EFNA5: variants seen among roughly 807,000 people sequenced by gnomAD.
The protein encoded by EFNA5 is ephrin A5.
EFNA5 carries 5 observed loss-of-function variants against 22.9 expected under a neutral mutation model. That is an observed-to-expected ratio of 0.22 (90% CI 0.11 to 0.46). The LOEUF (loss-of-function observed/expected upper bound fraction) is 0.46, where lower values mean the gene tolerates loss of function less well. Ranked by LOEUF, EFNA5 falls within the 20% of genes least tolerant of loss-of-function variation. The pLI is 0.99. For missense variants in EFNA5, 237 were observed against 293.3 expected, an observed-to-expected ratio of 0.81 and a Z score of 1.40; for synonymous variants, 113 against 112.2, an observed-to-expected ratio of 1.01 and a Z score of -0.04.
intron 1 of EFNA5, among the ~76,000 whole-genome samples, chr5:107,663,852 T>G (rs950518012): frequency 6.6e-6 from 1 of 152,104 alleles, no homozygotes; most frequent in Non-Finnish European, 1.5e-5. Flanking sequence ...CTCACTTGAG[T>G]GGAAAATAAG....
At chr5:107,509,226 T>C (rs2112432286) in intron 1 of EFNA5, among the ~76,000 whole-genome samples, 1 of 152,276 alleles carries the variant, frequency 6.6e-6, no homozygotes, top group South Asian at 2.1e-4. Context: ...TAGATACCCT[T>C]TTACAGACTC....
intron 1 of EFNA5, among the ~76,000 whole-genome samples, chr5:107,526,024 T>C (rs937776639): frequency 6.6e-6 from 1 of 152,214 alleles, no homozygotes; most frequent in African/African-American, 2.4e-5. Flanking sequence ...GATACGGGAA[T>C]GAATCAGAAT....
chr5:107,616,332 G>T (rs1223921635), intron 1 of EFNA5, among the ~76,000 whole-genome samples: 1 of 152,128 alleles, frequency 6.6e-6, no homozygotes, highest in African/African-American at 2.4e-5. Flanking sequence ...GAGGGGATGG[G>T]TCGATTTGCC....
intron 2 of EFNA5, among the ~76,000 whole-genome samples, chr5:107,425,400 C>T (rs1271432212): frequency 6.6e-6 from 1 of 152,126 alleles, no homozygotes; most frequent in African/African-American, 2.4e-5. Flanking sequence ...CAAGAATTTT[C>T]TCTTACATTG....
chr5:107,607,385 C>T (rs1749745563), intron 1 of EFNA5, among the ~76,000 whole-genome samples: 2 of 152,190 alleles, frequency 1.3e-5, no homozygotes, highest in African/African-American at 2.4e-5. Context: ...TTTCCTTCTT[C>T]AAACATTTGC....
At chr5:107,416,271 G>A (rs1390664439) in intron 2 of EFNA5, among the ~76,000 whole-genome samples, 1 of 152,170 alleles carries the variant, frequency 6.6e-6, no homozygotes. Context: ...AAGTTCCAAG[G>A]TGAAGGTAGA....
Position 107,395,034 on chromosome 5 carries a change from C to CTTTTTTTTTT in EFNA5, c.419-7273_419-7264dup, listed in dbSNP as rs58619326. Among the ~76,000 whole-genome samples the CTTTTTTTTTT allele has an allele frequency of 4.0e-3, 342 of 86,106 alleles. 74 individuals are homozygous for CTTTTTTTTTT. Among genetic ancestry groups the CTTTTTTTTTT allele is most frequent in the African/African-American group, 0.012 (271 of 23,170 alleles). The allele number at this position is 86,106 out of a possible 152,430, so 56.5% of individuals were successfully genotyped here. ...CCCCTTATAAGAAGGATTTCTAGTT[C>CTTTTTTTTTT]TTTTTTTTTTTTTTTTTTCCGCGAG... On this transcript the variant is annotated intron_variant, in intron 2 of 4. Transcript: ENST00000333274.
intron 1 of EFNA5, among the ~76,000 whole-genome samples, chr5:107,584,082 A>C (rs535135512): frequency 4.6e-5 from 7 of 152,310 alleles, no homozygotes; most frequent in African/African-American, 1.7e-4. Flanking sequence ...AACATTCCCA[A>C]AGGTTCTAAT....
chr5:107,456,610 C>T (rs1749705928), intron 1 of EFNA5, among the ~76,000 whole-genome samples: 1 of 152,150 alleles, frequency 6.6e-6, no homozygotes, highest in Non-Finnish European at 1.5e-5. Flanking sequence ...AGTGCTGTTG[C>T]AACTGTGCCA....
chr5:107,595,008 T>C (rs1561444273), intron 1 of EFNA5, among the ~76,000 whole-genome samples: 1 of 152,104 alleles, frequency 6.6e-6, no homozygotes, highest in Admixed American at 6.6e-5. Context: ...TTGTGGTATA[T>C]GGCTGGATTA....
chr5:107,491,726 A>C (rs1243283102), intron 1 of EFNA5, among the ~76,000 whole-genome samples: 2 of 152,258 alleles, frequency 1.3e-5, no homozygotes, highest in Non-Finnish European at 2.9e-5. Flanking sequence ...GGAACTGAAT[A>C]GTTGGAAAAT....
chr5:107,399,386 A>T (rs3797514), intron 2 of EFNA5, among the ~76,000 whole-genome samples: 23,842 of 143,786 alleles, frequency 0.17, 2,231 homozygotes, highest in South Asian at 0.32. Flanking sequence ...GAAGGAAGGA[A>T]GGAAAGAAGA....
chr5:107,485,570 A>G (rs576145402), intron 1 of EFNA5, among the ~76,000 whole-genome samples: 48 of 152,168 alleles, frequency 3.2e-4, no homozygotes, highest in Non-Finnish European at 6.3e-4. Context: ...TCTGTGCTGG[A>G]CCAGAAATAA....
intron 1 of EFNA5, among the ~76,000 whole-genome samples, chr5:107,490,092 C>A (rs1466717679): frequency 6.6e-6 from 1 of 152,102 alleles, no homozygotes; most frequent in Non-Finnish European, 1.5e-5. Flanking sequence ...CATGGGGGAC[C>A]AGCTAGCTAG....
At chr5:107,586,230 A>C (rs547754616) in intron 1 of EFNA5, among the ~76,000 whole-genome samples, 8 of 152,234 alleles carry the variant, frequency 5.3e-5, no homozygotes, top group Non-Finnish European at 1.0e-4. Flanking sequence ...GTAAAGATCT[A>C]CAATTACAAT....
chr5:107,593,062 T>C (rs1480542382), intron 1 of EFNA5, among the ~76,000 whole-genome samples: 1 of 152,194 alleles, frequency 6.6e-6, no homozygotes, highest in Non-Finnish European at 1.5e-5. Context: ...TGGCATGAGA[T>C]CTCTGCTCAT....
chr5:107,628,854 T>C (rs1561453829), intron 1 of EFNA5, among the ~76,000 whole-genome samples: 2 of 152,250 alleles, frequency 1.3e-5, no homozygotes, highest in Non-Finnish European at 2.9e-5. Context: ...CTGTTCATTA[T>C]TACAATACTA....
intron 1 of EFNA5, among the ~76,000 whole-genome samples, chr5:107,626,572 G>A (rs1281456891): frequency 6.6e-6 from 1 of 152,058 alleles, no homozygotes; most frequent in Non-Finnish European, 1.5e-5. Flanking sequence ...GAGCCACCAT[G>A]CCCAGCTATA....
chr5:107,635,350 C>T (rs866608962), intron 1 of EFNA5, among the ~76,000 whole-genome samples: 1 of 152,186 alleles, frequency 6.6e-6, no homozygotes, highest in South Asian at 2.1e-4. Flanking sequence ...GCAAAACAAG[C>T]TACTTCTCAC....
Sources: gnomAD v4.1 joint callset for allele counts (sites outside exome capture counted in the v4.1 genomes callset) on GRCh38, gnomAD v4.1.1 for gene constraint, MANE v1.5 for transcripts, NCBI Gene and HGNC (gene_info 2026-07-23, HGNC 2026-07-21) for gene names.